Variants in DNAH7 observed in about 807,000 individuals in gnomAD.
DNAH7 encodes the protein axonemal beta dynein heavy chain 7.
A neutral mutation model predicts 444.6 loss-of-function variants in DNAH7; 397 were observed. The ratio of observed to expected loss-of-function variants is 0.89; its 90% CI spans 0.82 to 0.97. The LOEUF is 0.97. DNAH7 is among the 50% of genes least tolerant of loss of function. The probability of loss-of-function intolerance (pLI) is 0.00; values close to 1 mark genes in which losing one functional copy is unlikely to be tolerated. For synonymous variants in DNAH7, 1,636 were observed against 1,624.4 expected (o/e 1.01, Z -0.17); for missense variants, 4,902 against 4,800.8 (o/e 1.02, Z -0.62).
intron 24 of DNAH7, among the ~76,000 whole-genome samples, chr2:195,921,352 TACACACACACACACACACACACAC>T (rs140152411): frequency 2.8e-5 from 4 of 140,380 alleles, no homozygotes; most frequent in African/African-American, 1.0e-4. Flanking sequence ...AAATGTGGTG[TACACACACACACACACACACACAC>T]ACACACACAC....
At chr2:196,057,609 GTTTT>G (rs1251456539) in intron 2 of DNAH7, among the ~76,000 whole-genome samples, 1 of 152,086 alleles carries the variant, frequency 6.6e-6, no homozygotes, top group African/African-American at 2.4e-5. Context: ...TTTCATCCAA[GTTTT>G]TTTATTTCAA....
Position 195,861,816 on chromosome 2 carries a change from T to C in DNAH7, c.7637A>G (p.Lys2546Arg). The C allele has an allele frequency of 6.2e-7, 1 of 1,613,702 alleles. No individual in the cohort carries two copies. Among genetic ancestry groups the C allele is most frequent in the Non-Finnish European group, 8.5e-7 (1 of 1,179,674 alleles). Reference protein sequence around the residue: ...SFHTSTIDLSKSFFVELQRYN... With the variant: ...SFHTSTIDLSRSFFVELQRYN... ...TCTTTGAAGTTCAACAAAGAAAGAT[T>C]TGGATAAATCTATAGTAGAAGTGTG... is the stretch of plus-strand genomic sequence containing the variant. The change falls in exon 42 of 65, where the codon AAA becomes AGA. Residue 2546 changes from lysine to arginine, a missense_variant. Coordinates refer to ENST00000312428, the MANE Select transcript of DNAH7 (RefSeq NM_018897.3).
At chr2:195,987,743 A>T (rs890178586) in intron 13 of DNAH7, among the ~76,000 whole-genome samples, 1 of 152,132 alleles carries the variant, frequency 6.6e-6, no homozygotes, top group East Asian at 1.9e-4. Context: ...TTGCGGTAGT[A>T]GAGTCTCAGC....
chr2:196,036,991 G>A (rs557027576), intron 5 of DNAH7, among the ~76,000 whole-genome samples: 1 of 151,900 alleles, frequency 6.6e-6, no homozygotes, highest in East Asian at 1.9e-4. Flanking sequence ...CCCTCCATGA[G>A]TCATACCAAA....
chr2:195,916,861 A>C (rs1387748641), intron 24 of DNAH7, among the ~76,000 whole-genome samples: 1 of 151,812 alleles, frequency 6.6e-6, no homozygotes, highest in East Asian at 1.9e-4. Flanking sequence ...GCACTTCGGG[A>C]GGTGGAGGCG....
At chr2:195,973,444 TAC>T (rs1479899912) in intron 15 of DNAH7, among the ~76,000 whole-genome samples, 3 of 152,090 alleles carry the variant, frequency 2.0e-5, no homozygotes, top group East Asian at 3.9e-4. Flanking sequence ...TTTGGACCTA[TAC>T]AGTTTTTTTT....
intron 6 of DNAH7, among the ~76,000 whole-genome samples, chr2:196,027,211 T>C (rs1341971778): frequency 1.3e-5 from 2 of 151,944 alleles, no homozygotes; most frequent in Admixed American, 1.3e-4. Flanking sequence ...CTTAACAGAG[T>C]CCATGCTGAA....
intron 24 of DNAH7, among the ~76,000 whole-genome samples, chr2:195,917,712 G>A (rs182132215): frequency 1.1e-4 from 16 of 152,322 alleles, no homozygotes; most frequent in African/African-American, 3.8e-4. Context: ...CAGTAACATG[G>A]TGGCTTTATC....
rs138898512 is a variant in DNAH7, at chr2:195,804,644, A to C, written c.10176+2096T>G. Among the ~76,000 whole-genome samples, 8 of 152,340 alleles carry C rather than the reference A, an allele frequency of 5.3e-5. No homozygotes were observed. The East Asian group carries it at 1.5e-3, about 29-fold the overall frequency. ...TGCTTATAGTGCTTAAATAGCAGCA[A>C]TATGTGATTCCACTATTTTGATGGC... On this transcript the variant is annotated intron_variant, in intron 54 of 64. Coordinates refer to ENST00000312428, the MANE Select transcript of DNAH7 (RefSeq NM_018897.3).
In DNAH7 at chr2:195,987,183, AAACG is replaced by A. The variant is rs1692971860; in HGVS notation, c.1633_1636del (p.Arg545Ter). The A allele has an allele frequency of 1.3e-6, 2 of 1,591,490 alleles. No individual in the cohort carries two copies. Among genetic ancestry groups the A allele is most frequent in the Admixed American group, 1.8e-5 (1 of 54,906 alleles). On this transcript the variant is annotated frameshift_variant, in exon 14 of 65. Transcript: ENST00000312428. LOFTEE classifies it high-confidence loss of function. ...CTCACAGTGCATTTCAAACATTCCT[AAACG>A]AATAGTCTGCAAAAGATTAAAAGTT...
Position 195,988,017 on chromosome 2 carries a change from T to C in DNAH7, c.1566A>G (p.Ile522Met). The change falls in exon 13 of 65, where the codon ATA (isoleucine) becomes ATG (methionine). Residue 522 changes from isoleucine to methionine, a missense_variant. Ile to Met is a conservative substitution (Grantham distance 10). Coordinates refer to ENST00000312428, the MANE Select transcript of DNAH7 (RefSeq NM_018897.3). ...TCTGGTATTTGCAAATTTCATCTATTATTTTTTCATAACTATGATTTTCTG... is the reference window on the plus strand; with the variant it reads ...TCTGGTATTTGCAAATTTCATCTATCATTTTTTCATAACTATGATTTTCTG... ...FLAENHSYEK[I>M]IDEICKYQKL... 1.9e-6 allele frequency: 3 copies of C among 1,613,180 alleles called. No individual in the cohort carries two copies. Among genetic ancestry groups the C allele is most frequent in the Non-Finnish European group, 1.7e-6 (2 of 1,179,498 alleles).
At chr2:195,960,199 CA>C in intron 18 of DNAH7, 60 bp downstream of exon 18, 1 of 1,361,618 alleles carries the variant, frequency 7.3e-7, no homozygotes, top group Non-Finnish European at 1.0e-6. Flanking sequence ...AAGAACTTTA[CA>C]TTAAACACAA....
rs1695708950 is a variant in DNAH7, at chr2:196,026,692, T to C, written c.667+68A>G. 7 of 1,115,070 alleles carry C rather than the reference T, an allele frequency of 6.3e-6. No individual in the cohort carries two copies. The Admixed American group carries it at 1.3e-4, about 21-fold the overall frequency. The allele number at this position is 1,115,070 out of a possible 1,614,324, so 69.1% of individuals were successfully genotyped here. On this transcript the variant is annotated intron_variant, in intron 7 of 64. Transcript: ENST00000312428. ...TGACTAGTTTCAAGTATAGGTATTA[T>C]TAATACAAAAATAATCTTTAATGAG...
chr2:195,944,055 A>T (rs1388001940), intron 19 of DNAH7, among the ~76,000 whole-genome samples: 1 of 152,128 alleles, frequency 6.6e-6, no homozygotes, highest in African/African-American at 2.4e-5. Flanking sequence ...ATGCAGCATA[A>T]CTGTTTGCTA....
chr2:195,829,984 A>T (rs1269211564), intron 48 of DNAH7, among the ~76,000 whole-genome samples: 1 of 152,148 alleles, frequency 6.6e-6, no homozygotes, highest in Non-Finnish European at 1.5e-5. Flanking sequence ...ATTTTAAAAA[A>T]AGGAAAAAAT....
intron 17 of DNAH7, among the ~76,000 whole-genome samples, chr2:195,966,433 A>G (rs1691484483): frequency 6.6e-6 from 1 of 152,182 alleles, no homozygotes; most frequent in South Asian, 2.1e-4. Context: ...CAGCTGTTGG[A>G]TGAAATGTTC....
At chr2:196,026,411 T>C (rs1695691402) in intron 7 of DNAH7, among the ~76,000 whole-genome samples, 1 of 152,192 alleles carries the variant, frequency 6.6e-6, no homozygotes, top group Non-Finnish European at 1.5e-5. Context: ...CAAAAGATCC[T>C]GGAATGAAGA....
chr2:195,858,979 T>G (rs1182611152), intron 42 of DNAH7, among the ~76,000 whole-genome samples, 175 bp from the exon 43 acceptor site: 1 of 152,214 alleles, frequency 6.6e-6, no homozygotes, highest in Non-Finnish European at 1.5e-5. Flanking sequence ...ATGTCGGATT[T>G]GTGCACAATT....
chr2:195,868,868 A>G (rs968167868), intron 40 of DNAH7, among the ~76,000 whole-genome samples: 6 of 149,378 alleles, frequency 4.0e-5, no homozygotes, highest in Non-Finnish European at 7.4e-5. Context: ...GTGAAATTAT[A>G]TAAGGTTATC....
Sources: gnomAD v4.1 joint callset for allele counts (sites outside exome capture counted in the v4.1 genomes callset) on GRCh38, gnomAD v4.1.1 for gene constraint, MANE v1.5 for transcripts, NCBI Gene and HGNC (gene_info 2026-07-23, HGNC 2026-07-21) for gene names.